Variants in TOM1 observed in about 807,000 individuals in gnomAD.
The protein encoded by TOM1 is target of Myb protein 1.
In TOM1, 38 loss-of-function variants were observed where a neutral mutation model predicts 61.3. That is an observed-to-expected ratio of 0.62 (90% CI 0.48 to 0.81). The LOEUF (loss-of-function observed/expected upper bound fraction) is 0.81. Among genes scored for constraint, TOM1 ranks in the 40% least tolerant of loss-of-function variants. The pLI is 0.00. For synonymous variants in TOM1, 270 were observed against 268.8 expected (o/e 1.00, Z -0.04); for missense variants, 591 against 659.6 (o/e 0.90, Z 1.14).
intron 12 of TOM1, 136 bp downstream of exon 12, chr22:35,338,924 GGT>G: frequency 1.3e-6 from 1 of 783,936 alleles, no homozygotes; most frequent in Non-Finnish European, 1.9e-6. Flanking sequence ...CCGTCAGGTC[GGT>G]TCTTTTTGGC....
chr22:35,313,944 A>G (rs1927062434), intron 1 of TOM1, among the ~76,000 whole-genome samples: 1 of 152,224 alleles, frequency 6.6e-6, no homozygotes, highest in Non-Finnish European at 1.5e-5. Context: ...TCGGGGAATC[A>G]GTTGTCATTC....
At chr22:35,330,580 C>G (rs796879172) in intron 8 of TOM1, 100 bp downstream of exon 8, 1 of 1,224,952 alleles carries the variant, frequency 8.2e-7, no homozygotes, top group African/African-American at 1.6e-5. Context: ...AGCCTTCTCT[C>G]GTCCTCCTCT....
Position 35,347,544 on chromosome 22 carries a change from T to G in TOM1, c.*335T>G. On this transcript the variant is annotated 3_prime_UTR_variant, in exon 15 of 15. Coordinates refer to ENST00000449058, the MANE Select transcript of TOM1 (RefSeq NM_005488.3). The stretch of plus-strand genomic sequence containing the variant: ...AGTGTGACTCTCCTTCACTGAGTGA[T>G]ACCCTGCTCCGGGCCCATGCCCCAA... The G allele has an allele frequency of 4.7e-6, 1 of 211,770 alleles. No homozygotes were observed. 13.1% of individuals were successfully genotyped at this position (211,770 alleles called of 1,614,324 possible). A position where few individuals can be genotyped will look rare whatever the true frequency, so the allele number is the denominator to read the frequency against.
chr22:35,322,148 G>A (rs1927849894), intron 3 of TOM1, 111 bp downstream of exon 3: 3 of 969,884 alleles, frequency 3.1e-6, no homozygotes, highest in Non-Finnish European at 4.8e-6. Flanking sequence ...TTTGAGAGCT[G>A]GAAAGGTCTG....
rs1322501848 is a variant in TOM1 at position 35,322,001 on chromosome 22, G to A, written c.180G>A (p.Gly60=). The part of the protein sequence containing the change: ...ALRAVKKRIV[G]NKNFHEVMLA... ...GAGCAGTAAAGAAGAGAATCGTGGG[G>A]AATAAGAACTTCCACGAGGTGATGC... The change falls in exon 3 of 15, where the codon GGG becomes GGA. Residue 60 remains glycine, a synonymous_variant. Transcript: ENST00000449058. 18 of 1,614,056 alleles carry A rather than the reference G, an allele frequency of 1.1e-5. No individual in the cohort carries two copies. Among genetic ancestry groups the A allele is most frequent in the Non-Finnish European group, 1.5e-5 (18 of 1,180,026 alleles).
intron 1 of TOM1, among the ~76,000 whole-genome samples, chr22:35,300,978 A>G (rs1223955517): frequency 1.3e-5 from 2 of 151,836 alleles, no homozygotes; most frequent in Non-Finnish European, 2.9e-5. Flanking sequence ...TTGGGAGGCC[A>G]AGGCGGGCAG....
At chr22:35,311,166 G>A (rs1230286180) in intron 1 of TOM1, 1 of 152,460 alleles carries the variant, frequency 6.6e-6, no homozygotes, top group Non-Finnish European at 1.5e-5. Flanking sequence ...CCAGGTCTCA[G>A]TGCCGGCTCC....
chr22:35,301,227 T>G (rs1435737357), intron 1 of TOM1, among the ~76,000 whole-genome samples: 1 of 152,152 alleles, frequency 6.6e-6, no homozygotes, highest in East Asian at 1.9e-4. Flanking sequence ...AGCCCATCTC[T>G]TGAAACACAT....
intron 11 of TOM1, 91 bp from the exon 12 acceptor site, chr22:35,338,622 G>T: frequency 9.7e-7 from 1 of 1,036,172 alleles, no homozygotes; most frequent in Non-Finnish European, 1.4e-6. Flanking sequence ...TGGAGGATGG[G>T]AGCCGTCAAT....
intron 1 of TOM1, 55 bp downstream of exon 1, chr22:35,300,035 G>C (rs1039577793): frequency 1.8e-5 from 28 of 1,546,178 alleles, no homozygotes; most frequent in Non-Finnish European, 2.4e-5. Flanking sequence ...CCCAGCTTCG[G>C]TCCCCTGGGA....
chr22:35,308,832 A>G (rs1926571623), intron 1 of TOM1, among the ~76,000 whole-genome samples: 1 of 152,132 alleles, frequency 6.6e-6, no homozygotes, highest in South Asian at 2.1e-4. Context: ...CGACTTTAAC[A>G]TTGTGGGTTG....
At chr22:35,332,595 C>T (rs1339184771) in intron 8 of TOM1, among the ~76,000 whole-genome samples, 1 of 84,126 alleles carries the variant, frequency 1.2e-5, no homozygotes, top group Non-Finnish European at 2.5e-5. Context: ...AACACACACA[C>T]ACACACACAC....
chr22:35,311,383 C>A (rs1926805122), intron 1 of TOM1, among the ~76,000 whole-genome samples: 1 of 152,214 alleles, frequency 6.6e-6, no homozygotes, highest in African/African-American at 2.4e-5. Flanking sequence ...TAGCAAGAAG[C>A]CTGAAGGTTG....
intron 11 of TOM1, among the ~76,000 whole-genome samples, chr22:35,336,970 T>C (rs1368446461): frequency 6.7e-6 from 1 of 149,778 alleles, no homozygotes; most frequent in Admixed American, 6.6e-5. Flanking sequence ...AGCCGGAGTC[T>C]CGCTCTGTCT....
intron 2 of TOM1, among the ~76,000 whole-genome samples, chr22:35,318,896 C>T (rs377620586): frequency 5.9e-4 from 90 of 152,358 alleles, no homozygotes; most frequent in African/African-American, 2.1e-3. Context: ...TTCCTCTCAG[C>T]CCGGGAGGGC....
Position 35,302,069 on chromosome 22 carries a change from G to C in TOM1, c.52+2089G>C, listed in dbSNP as rs138494157. Among the ~76,000 whole-genome samples the C allele has an allele frequency of 9.3e-4, 141 of 152,330 alleles. 1 individual carries two copies. The highest frequency in any genetic ancestry group is 3.2e-3 in the African/African-American group (135 of 41,576). ...CAAAGCAAACTTCTCTTCTTACCTT[G>C]AAGCGTTGCCTTTCTTGGGCAAGAA... On this transcript the variant is annotated intron_variant, in intron 1 of 14. Transcript: ENST00000449058.
chr22:35,319,703 T>C (rs898049191), intron 2 of TOM1, among the ~76,000 whole-genome samples: 4 of 152,160 alleles, frequency 2.6e-5, no homozygotes, highest in African/African-American at 9.7e-5. Flanking sequence ...AAGAAGTCAC[T>C]ATAAAGCGCT....
chr22:35,329,570 CA>C (rs1273469162), intron 7 of TOM1, among the ~76,000 whole-genome samples: 1 of 152,082 alleles, frequency 6.6e-6, no homozygotes, highest in South Asian at 2.1e-4. Flanking sequence ...TTTAAAAAGA[CA>C]AAAAATCAGG....
At chr22:35,341,880 ACT>A (rs1414466325) in intron 12 of TOM1, among the ~76,000 whole-genome samples, 2 of 151,924 alleles carry the variant, frequency 1.3e-5, no homozygotes, top group Admixed American at 1.3e-4. Context: ...ATTTCTTAAA[ACT>A]CTGTGAGCAA....
Sources: allele counts gnomAD v4.1 joint callset (sites outside exome capture counted in the v4.1 genomes callset), GRCh38; gene constraint gnomAD v4.1.1; transcripts MANE v1.5; gene names NCBI Gene and HGNC (gene_info 2026-07-23, HGNC 2026-07-21).